Variants in KIAA0586 observed in about 807,000 individuals in gnomAD.
KIAA0586 encodes the protein protein TALPID3.
Under a neutral mutation model 169.8 loss-of-function variants are expected in KIAA0586, and 144 were observed. That is an observed-to-expected ratio of 0.85 (90% CI 0.74 to 0.97). The LOEUF (loss-of-function observed/expected upper bound fraction) is 0.97, where lower values mean the gene tolerates loss of function less well. Among genes scored for constraint, KIAA0586 ranks in the 50% least tolerant of loss-of-function variants. The probability of loss-of-function intolerance (pLI) is 0.00; values close to 1 mark genes in which losing one functional copy is unlikely to be tolerated. For missense variants in KIAA0586, 1,854 were observed against 1,823.0 expected (o/e 1.02, Z -0.31); for synonymous variants, 625 against 612.4 (o/e 1.02, Z -0.30).
chr14:58,548,699 GATTA>G lies in KIAA0586; in HGVS notation c.*771_*774del, dbSNP rs1458700126. 2.0e-5 allele frequency: 3 copies of G among 152,206 alleles called. No homozygotes were observed. Among genetic ancestry groups the G allele is most frequent in the Non-Finnish European group, 2.9e-5 (2 of 67,988 alleles). 9.4% of individuals were successfully genotyped at this position (152,206 alleles called of 1,614,324 possible). ...TGTGATAGAAAAAAATCATCAGTGA[GATTA>G]ATTTTTATATGCCTTATGTATACCA... is the stretch of plus-strand genomic sequence containing the variant. On this transcript the variant is annotated 3_prime_UTR_variant, in exon 31 of 31. Coordinates refer to ENST00000652326, the MANE Select transcript of KIAA0586 (RefSeq NM_001329943.3).
intron 29 of KIAA0586, among the ~76,000 whole-genome samples, chr14:58,535,905 A>G (rs975844986): frequency 3.3e-5 from 5 of 152,028 alleles, no homozygotes; most frequent in Non-Finnish European, 5.9e-5. Context: ...ACAGCCTTAT[A>G]GTTTTATGCT....
Position 58,477,118 on chromosome 14 carries a change from C to T in KIAA0586, c.2826-5C>T, listed in dbSNP as rs1237538216. 1.3e-6 allele frequency: 2 copies of T among 1,495,094 alleles called. No individual in the cohort carries two copies. Among genetic ancestry groups the T allele is most frequent in the African/African-American group, 2.8e-5 (2 of 72,482 alleles). The allele number at this position is 1,495,094 out of a possible 1,614,324, so 92.6% of individuals were successfully genotyped here. ...TAACTTTTATCTGCCCCACCATCCTCTCAGGGTAGAGCAAGAAATAATGTC... is the reference window on the plus strand; with the variant it reads ...TAACTTTTATCTGCCCCACCATCCTTTCAGGGTAGAGCAAGAAATAATGTC... On this transcript the variant is annotated splice_polypyrimidine_tract_variant and splice_region_variant and intron_variant, in intron 19 of 30. Coordinates refer to ENST00000652326, the MANE Select transcript of KIAA0586 (RefSeq NM_001329943.3).
chr14:58,475,610 A>G (rs896140112), intron 19 of KIAA0586, among the ~76,000 whole-genome samples: 3 of 152,220 alleles, frequency 2.0e-5, no homozygotes, highest in Non-Finnish European at 2.9e-5. Flanking sequence ...ATATGAAATG[A>G]ACGCTATTAT....
Position 58,441,086 on chromosome 14 carries a change from A to G in KIAA0586, c.411-1620A>G, listed in dbSNP as rs569936296. The G allele has an allele frequency of 1.1e-4, 21 of 190,864 alleles. No individual in the cohort carries two copies. The East Asian group carries it at 2.0e-3, about 18-fold the overall frequency. The allele number at this position is 190,864 out of a possible 1,614,324, so 11.8% of individuals were successfully genotyped here. A position where few individuals can be genotyped will look rare whatever the true frequency, so the allele number is the denominator to read the frequency against. On this transcript the variant is annotated intron_variant, in intron 4 of 30. Transcript: ENST00000652326. ...TTACAATGTATACATATATCAAAAT[A>G]TCACACTGTAAATATATACAATTTT... is the stretch of plus-strand genomic sequence containing the variant.
rs764813315 is a variant in KIAA0586, at chr14:58,467,940, A to T, written c.2442+18A>T. 6.5e-7 allele frequency: 1 copy of T among 1,532,160 alleles called. No homozygotes were observed. Among genetic ancestry groups the T allele is most frequent in the Non-Finnish European group, 8.8e-7 (1 of 1,141,888 alleles). The allele number at this position is 1,532,160 out of a possible 1,614,324, so 94.9% of individuals were successfully genotyped here. A position where few individuals can be genotyped will look rare whatever the true frequency, so the allele number is the denominator to read the frequency against. ...CTGTGCAGGTATGCCAGGGTGCATGAGTAGAAAATTTTAAGGAAGAAAAAA... is the reference window on the plus strand; with the variant it reads ...CTGTGCAGGTATGCCAGGGTGCATGTGTAGAAAATTTTAAGGAAGAAAAAA... On this transcript the variant is annotated intron_variant, in intron 16 of 30. Coordinates refer to ENST00000652326, the MANE Select transcript of KIAA0586 (RefSeq NM_001329943.3).
chr14:58,499,273 G>C (rs2043378972), intron 27 of KIAA0586, among the ~76,000 whole-genome samples: 1 of 152,002 alleles, frequency 6.6e-6, no homozygotes, highest in African/African-American at 2.4e-5. Context: ...TTTATTTAGA[G>C]ACGGAGTCTT....
intron 21 of KIAA0586, among the ~76,000 whole-genome samples, chr14:58,485,286 C>T (rs1427757360): frequency 1.3e-5 from 2 of 151,698 alleles, no homozygotes; most frequent in Non-Finnish European, 2.9e-5. Context: ...AAATACAGAT[C>T]ACCCATGTAC....
chr14:58,443,011 T>C, intron 5 of KIAA0586, 131 bp downstream of exon 5: 1 of 675,194 alleles, frequency 1.5e-6, no homozygotes, highest in Non-Finnish European at 2.4e-6. Flanking sequence ...TTTGAAAGAA[T>C]TTTCCCATTT....
chr14:58,508,107 T>C (rs2044132713), intron 27 of KIAA0586, among the ~76,000 whole-genome samples: 1 of 152,068 alleles, frequency 6.6e-6, no homozygotes, highest in Admixed American at 6.6e-5. Context: ...GATAAGAAAA[T>C]AAGAGCTTGA....
chr14:58,521,938 G>T, intron 29 of KIAA0586: 1 of 1,375,956 alleles, frequency 7.3e-7, no homozygotes, highest in South Asian at 1.2e-5. Flanking sequence ...TGAAAAAGAG[G>T]CTGAAGAAGG....
chr14:58,525,520 A>T (rs1363943911), intron 29 of KIAA0586, among the ~76,000 whole-genome samples: 1 of 152,178 alleles, frequency 6.6e-6, no homozygotes, highest in Non-Finnish European at 1.5e-5. Context: ...GAAACGGTGC[A>T]TTCCGGCCCA....
At position 58,460,986 on chromosome 14, in the gene KIAA0586, G is replaced by C; in HGVS notation, c.1885G>C (p.Gly629Arg). Residue 629 changes from glycine to arginine, a missense_variant and splice_region_variant, in exon 14 of 31, where the codon GGG becomes CGG. Coordinates refer to ENST00000652326, the MANE Select transcript of KIAA0586 (RefSeq NM_001329943.3). ...ASSLQKERKE[G>R]LLKATTVIQD... ...GAGTTGAATAACTTTGTACACACAG[G>C]GGCTTTTGAAAGCAACCACAGTAAT... 1.3e-6 allele frequency: 2 copies of C among 1,585,882 alleles called. No individual in the cohort carries two copies. The highest frequency in any genetic ancestry group is 1.7e-6 in the Non-Finnish European group (2 of 1,168,564).
At chr14:58,561,384 A>T in the KIAA0586 span, among the ~76,000 whole-genome samples, 1 of 152,204 alleles carries the variant, frequency 6.6e-6, no homozygotes, top group Admixed American at 6.5e-5. Flanking sequence ...CTTTTAATAC[A>T]CAGAAGGGTT....
intron 26 of KIAA0586, among the ~76,000 whole-genome samples, chr14:58,492,974 T>G (rs1456942909): frequency 2.0e-5 from 3 of 152,144 alleles, no homozygotes; most frequent in African/African-American, 7.2e-5. Flanking sequence ...AAAGAACATT[T>G]TATTTAGGCC....
intron 3 of KIAA0586, among the ~76,000 whole-genome samples, chr14:58,431,747 A>T (rs1003876627): frequency 6.6e-6 from 1 of 152,074 alleles, no homozygotes; most frequent in Non-Finnish European, 1.5e-5. Flanking sequence ...GATTTTTTTC[A>T]TCAGTGTTTT....
chr14:58,536,443 A>G (rs1429325559), intron 29 of KIAA0586, among the ~76,000 whole-genome samples: 2 of 152,194 alleles, frequency 1.3e-5, no homozygotes, highest in Non-Finnish European at 2.9e-5. Context: ...TTAGTGGCCT[A>G]TGAGCTCCAT....
At position 58,487,020 on chromosome 14, in the gene KIAA0586, C is replaced by G. The variant is rs1459170048; in HGVS notation, c.3158C>G (p.Thr1053Ser). The G allele has an allele frequency of 6.2e-7, 1 of 1,608,080 alleles. No individual in the cohort carries two copies. The highest frequency in any genetic ancestry group is 8.5e-7 in the Non-Finnish European group (1 of 1,177,382). Residue 1053 changes from threonine (T) to serine (S), a missense_variant, in exon 22 of 31, where the codon ACC becomes AGC. Transcript: ENST00000652326. ...TATTTATTTTAGGCAAGAGTGTGCA[C>G]CCCACTGCCTACCCCACAGCCTACG... ...NETYLPARVC[T>S]PLPTPQPTPP...
chr14:58,451,786 C>T (rs1326035506), intron 8 of KIAA0586, among the ~76,000 whole-genome samples: 13 of 151,698 alleles, frequency 8.6e-5, no homozygotes, highest in African/African-American at 1.2e-4. Context: ...TAGGTTCAAG[C>T]GATTCTCCTG....
At chr14:58,461,818 G>A (rs1206915133) in intron 14 of KIAA0586, among the ~76,000 whole-genome samples, 1 of 152,196 alleles carries the variant, frequency 6.6e-6, no homozygotes, top group Non-Finnish European at 1.5e-5. Context: ...GTAGAAAGGT[G>A]AAAACTTTTT....
Sources: allele counts gnomAD v4.1 joint callset (sites outside exome capture counted in the v4.1 genomes callset), GRCh38; gene constraint gnomAD v4.1.1; transcripts MANE v1.5; gene names NCBI Gene and HGNC (gene_info 2026-07-23, HGNC 2026-07-21).